Variants in DLG2 observed in about 807,000 individuals in gnomAD.
The protein encoded by DLG2 is discs large MAGUK scaffold protein 2.
DLG2 carries 45 observed loss-of-function variants against 132.5 expected under a neutral mutation model. The observed-to-expected ratio is 0.34, with a 90% CI of 0.27 to 0.44. The LOEUF (loss-of-function observed/expected upper bound fraction) is 0.44. DLG2 is among the 20% of genes least tolerant of loss of function. DLG2 has a pLI of 1.00. For synonymous variants in DLG2, 424 were observed against 419.6 expected (o/e 1.01, Z -0.13); for missense variants, 1,045 against 1,196.9 (o/e 0.87, Z 1.87).
chr11:84,525,107 T>TGGG (rs1223193407), intron 7 of DLG2, among the ~76,000 whole-genome samples: 1 of 152,120 alleles, frequency 6.6e-6, no homozygotes, highest in Non-Finnish European at 1.5e-5. Flanking sequence ...TATATGGTGG[T>TGGG]GGTGGACCTG....
intron 3 of DLG2, among the ~76,000 whole-genome samples, chr11:85,514,333 C>T (rs1282799998): frequency 6.6e-6 from 1 of 151,970 alleles, no homozygotes; most frequent in Admixed American, 6.6e-5. Flanking sequence ...AGCCCAGATA[C>T]ACCTAGGTTT....
At chr11:83,907,689 T>C (rs2075283128) in intron 15 of DLG2, among the ~76,000 whole-genome samples, 1 of 152,150 alleles carries the variant, frequency 6.6e-6, no homozygotes, top group Admixed American at 6.6e-5. Flanking sequence ...ATTAATATTA[T>C]AATTATTAAT....
chr11:84,079,594 TCTTAGACTGCTATAA>T (rs1312890607), intron 10 of DLG2, among the ~76,000 whole-genome samples: 1 of 152,164 alleles, frequency 6.6e-6, no homozygotes, highest in Non-Finnish European at 1.5e-5. Context: ...TACAACAGCT[TCTTAGACTGCTATAA>T]CTGCAGGCAC....
chr11:83,857,475 G>A (rs139250590), intron 16 of DLG2, among the ~76,000 whole-genome samples: 238 of 152,150 alleles, frequency 1.6e-3, no homozygotes, highest in African/African-American at 5.5e-3. Context: ...ATTTGTTTGT[G>A]TCATCTCTGA....
At chr11:84,454,120 T>C (rs754864666) in intron 7 of DLG2, among the ~76,000 whole-genome samples, 2 of 151,622 alleles carry the variant, frequency 1.3e-5, no homozygotes, top group Non-Finnish European at 3.0e-5. Flanking sequence ...GGTACTTTTA[T>C]CCAGTGTCCC....
intron 4 of DLG2, among the ~76,000 whole-genome samples, chr11:85,213,108 T>C (rs1028545206): frequency 6.6e-6 from 1 of 152,084 alleles, no homozygotes; most frequent in African/African-American, 2.4e-5. Flanking sequence ...TATAGATAAA[T>C]GTAGAAACAT....
At chr11:84,755,295 A>G (rs2066710644) in intron 6 of DLG2, among the ~76,000 whole-genome samples, 1 of 152,222 alleles carries the variant, frequency 6.6e-6, no homozygotes, top group Non-Finnish European at 1.5e-5. Context: ...GTACCAATAA[A>G]TTTTTGTAGA....
At chr11:85,144,349 C>CTTTTTTTTT (rs35874789) in intron 5 of DLG2, among the ~76,000 whole-genome samples, 1 of 138,058 alleles carries the variant, frequency 7.2e-6, no homozygotes. Context: ...ATAATTGGGT[C>CTTTTTTTTT]TTTTTTTTTT....
intron 15 of DLG2, among the ~76,000 whole-genome samples, chr11:83,886,560 A>G (rs1408939767): frequency 1.3e-5 from 2 of 152,204 alleles, no homozygotes; most frequent in South Asian, 4.1e-4. Flanking sequence ...GTTAAAAAGG[A>G]TACCCAGGAA....
In DLG2 at chr11:85,003,445, GT is replaced by G. The variant is rs796837350; in HGVS notation, c.357+108215del. On this transcript the variant is annotated intron_variant, in intron 6 of 27. Transcript: ENST00000376104. ...TTTATTTCGATTGTATTTGATTGCAGTTTTTATTATATGTAAGTTGTAAATC... is the reference window on the plus strand; with the variant it reads ...TTTATTTCGATTGTATTTGATTGCAGTTTTATTATATGTAAGTTGTAAATC... 2.1e-4 allele frequency among the ~76,000 whole-genome samples: 32 copies of G among 152,206 alleles called. 3 individuals are homozygous for G. Among genetic ancestry groups the G allele is most frequent in the African/African-American group, 7.7e-4 (32 of 41,538 alleles).
intron 7 of DLG2, among the ~76,000 whole-genome samples, chr11:84,329,353 C>T (rs1018819826): frequency 6.6e-6 from 1 of 152,114 alleles, no homozygotes; most frequent in Non-Finnish European, 1.5e-5. Context: ...TCCCATAATC[C>T]TCACATGTCG....
intron 20 of DLG2, among the ~76,000 whole-genome samples, chr11:83,534,836 G>A (rs1159321197): frequency 1.3e-5 from 2 of 152,146 alleles, no homozygotes; most frequent in African/African-American, 4.8e-5. Flanking sequence ...CCAGCTACGC[G>A]GGAGGCTGAG....
intron 3 of DLG2, among the ~76,000 whole-genome samples, chr11:85,408,441 A>C (rs1050197323): frequency 6.6e-6 from 1 of 151,336 alleles, no homozygotes; most frequent in South Asian, 2.1e-4. Flanking sequence ...ACATGTGCAC[A>C]ATGTGCTGGT....
intron 11 of DLG2, among the ~76,000 whole-genome samples, chr11:84,015,288 AT>A (rs1180069470): frequency 1.3e-5 from 2 of 152,148 alleles, no homozygotes; most frequent in Non-Finnish European, 2.9e-5. Flanking sequence ...TGAAAGCTCT[AT>A]TAGCACTCAC....
At chr11:83,592,175 G>A (rs1441496992) in intron 19 of DLG2, among the ~76,000 whole-genome samples, 5 of 150,170 alleles carry the variant, frequency 3.3e-5, no homozygotes, top group African/African-American at 1.2e-4. Context: ...AAAAGAGCCC[G>A]CATCGCCAAG....
At chr11:85,470,594 A>C (rs2092954058) in intron 3 of DLG2, among the ~76,000 whole-genome samples, 1 of 152,102 alleles carries the variant, frequency 6.6e-6, no homozygotes, top group Admixed American at 6.5e-5. Flanking sequence ...ATGGTGTTGC[A>C]TTCCCCAGCT....
intron 3 of DLG2, among the ~76,000 whole-genome samples, chr11:85,379,289 C>T (rs115937961): frequency 2.6e-5 from 4 of 152,270 alleles, no homozygotes; most frequent in African/African-American, 4.8e-5. Context: ...ACCACAGACG[C>T]TCCTCCCTAA....
chr11:84,725,094 G>GTAA (rs1435801484), intron 6 of DLG2, among the ~76,000 whole-genome samples: 2 of 152,134 alleles, frequency 1.3e-5, no homozygotes, highest in Non-Finnish European at 2.9e-5. Context: ...ATTGATAACA[G>GTAA]TAATATAAGA....
At chr11:84,347,716 C>G (rs1297104206) in intron 7 of DLG2, among the ~76,000 whole-genome samples, 1 of 152,098 alleles carries the variant, frequency 6.6e-6, no homozygotes, top group Non-Finnish European at 1.5e-5. Flanking sequence ...GATGCAGAGC[C>G]CATTTTGTGA....
Sources: allele counts gnomAD v4.1 joint callset (sites outside exome capture counted in the v4.1 genomes callset), GRCh38; gene constraint gnomAD v4.1.1; transcripts MANE v1.5; gene names NCBI Gene and HGNC (gene_info 2026-07-23, HGNC 2026-07-21).